Variants in ARHGEF28 observed in about 807,000 individuals in gnomAD.
ARHGEF28 encodes 190 kDa guanine nucleotide exchange factor.
A neutral mutation model predicts 206.6 loss-of-function variants in ARHGEF28; 152 were observed. The ratio of observed to expected loss-of-function variants is 0.74; its 90% CI spans 0.64 to 0.84. The LOEUF is 0.84. Among genes scored for constraint, ARHGEF28 ranks in the 40% least tolerant of loss-of-function variants. The pLI, the probability that ARHGEF28 is intolerant of heterozygous loss-of-function variation, is 0.00. For missense variants in ARHGEF28, 2,028 were observed against 2,073.2 expected (o/e 0.98, Z 0.42); for synonymous variants, 763 against 776.4 (o/e 0.98, Z 0.29).
intron 35 of ARHGEF28, chr5:73,923,246 T>A: frequency 7.8e-7 from 1 of 1,277,332 alleles, no homozygotes; most frequent in Non-Finnish European, 1.1e-6. Flanking sequence ...TAAAATGTTT[T>A]GGTTTATGCT....
chr5:73,741,385 G>GTGTGTATATA (rs1561371055), intron 2 of ARHGEF28, among the ~76,000 whole-genome samples: 1 of 21,868 alleles, frequency 4.6e-5, no homozygotes, highest in Non-Finnish European at 7.6e-5. Flanking sequence ...GTGTGTGTGT[G>GTGTGTATATA]TATATATATA....
At chr5:73,741,767 TA>T (rs915492623) in intron 2 of ARHGEF28, among the ~76,000 whole-genome samples, 2 of 152,148 alleles carry the variant, frequency 1.3e-5, no homozygotes, top group African/African-American at 4.8e-5. Flanking sequence ...GAGGTTTGAA[TA>T]ATGGGTATCT....
At chr5:73,831,938 G>A (rs553769373) in intron 9 of ARHGEF28, among the ~76,000 whole-genome samples, 7 of 152,166 alleles carry the variant, frequency 4.6e-5, no homozygotes, top group African/African-American at 1.7e-4. Context: ...TGATCTGCCC[G>A]CCTTGGCTTC....
chr5:73,893,422 C>A, intron 28 of ARHGEF28, 134 bp downstream of exon 28: 1 of 510,308 alleles, frequency 2.0e-6, no homozygotes, highest in Non-Finnish European at 3.3e-6. Context: ...ACCACCCTCC[C>A]GAGAAACTTA....
At chr5:73,714,852 T>A (rs1457342275) in intron 2 of ARHGEF28, among the ~76,000 whole-genome samples, 1 of 152,182 alleles carries the variant, frequency 6.6e-6, no homozygotes, top group Non-Finnish European at 1.5e-5. Flanking sequence ...TAGACTTGTA[T>A]CATAAGAGAT....
intron 2 of ARHGEF28, among the ~76,000 whole-genome samples, chr5:73,733,568 A>C (rs1750731120): frequency 6.6e-6 from 1 of 152,184 alleles, no homozygotes; most frequent in Non-Finnish European, 1.5e-5. Context: ...GATTACACTA[A>C]AATCTCAGAA....
Position 73,846,458 on chromosome 5 carries a change from A to G in ARHGEF28, c.1618A>G (p.Ser540Gly). 1 of 1,613,694 alleles carries G rather than the reference A, an allele frequency of 6.2e-7. No homozygotes were observed. Among genetic ancestry groups the G allele is most frequent in the Non-Finnish European group, 8.5e-7 (1 of 1,179,618 alleles). ...CAGGGCTGAATCCCTTCCTCTATCA[A>G]GTAATCTACAGTCGAAGGTATTCTT... ...ISRAESLPLSSNLQSKESLLS... is the reference protein window; with the variant it reads ...ISRAESLPLSGNLQSKESLLS... Residue 540 changes from serine to glycine, a missense_variant, in exon 12 of 36, where the codon AGT becomes GGT. Transcript: ENST00000513042.
At chr5:73,751,414 C>T (rs984289789) in intron 3 of ARHGEF28, among the ~76,000 whole-genome samples, 4 of 152,080 alleles carry the variant, frequency 2.6e-5, no homozygotes, top group Admixed American at 6.5e-5. Context: ...TGTCTCAAAA[C>T]GAAAACAAAA....
At chr5:73,914,458 AAT>A (rs933386313) in intron 35 of ARHGEF28, among the ~76,000 whole-genome samples, 8 of 128,268 alleles carry the variant, frequency 6.2e-5, no homozygotes, top group African/African-American at 2.4e-4. Context: ...GTGCAGTGGT[AAT>A]ATCTTGGCTC....
chr5:73,647,259 CAT>C (rs1018988529), intron 1 of ARHGEF28, among the ~76,000 whole-genome samples: 11 of 152,216 alleles, frequency 7.2e-5, no homozygotes, highest in African/African-American at 1.9e-4. Context: ...GCATATAAGA[CAT>C]ATGTGAAATG....
At chr5:73,845,210 A>G (rs1012879500) in intron 11 of ARHGEF28, among the ~76,000 whole-genome samples, 25 of 151,938 alleles carry the variant, frequency 1.6e-4, no homozygotes, top group Middle Eastern at 3.4e-3. Flanking sequence ...GTAGAGATGT[A>G]GTTTCACCGT....
chr5:73,628,655 A>G (rs551316060), intron 1 of ARHGEF28, among the ~76,000 whole-genome samples: 12 of 152,328 alleles, frequency 7.9e-5, no homozygotes, highest in Admixed American at 2.0e-4. Context: ...AGGTGGGTCA[A>G]CCTGGGCAAC....
intron 2 of ARHGEF28, among the ~76,000 whole-genome samples, chr5:73,719,124 G>A (rs1211639955): frequency 1.3e-5 from 2 of 152,174 alleles, no homozygotes; most frequent in Non-Finnish European, 2.9e-5. Flanking sequence ...GGTTCCAGAA[G>A]CCAGTCAATG....
chr5:73,929,518 T>A (rs1223693922), intron 35 of ARHGEF28, among the ~76,000 whole-genome samples: 3 of 152,164 alleles, frequency 2.0e-5, no homozygotes, highest in African/African-American at 7.2e-5. Flanking sequence ...TATTTTTGAC[T>A]CAGGATCCAA....
chr5:73,879,017 T>G (rs1365116585), intron 22 of ARHGEF28, among the ~76,000 whole-genome samples: 1 of 152,150 alleles, frequency 6.6e-6, no homozygotes, highest in Admixed American at 6.5e-5. Flanking sequence ...TCCTGCAGAG[T>G]GTTTTCCAAC....
chr5:73,749,272 C>T (rs1358757173), intron 2 of ARHGEF28, among the ~76,000 whole-genome samples: 2 of 152,126 alleles, frequency 1.3e-5, no homozygotes, highest in Admixed American at 6.5e-5. Context: ...AGGGTGAGGC[C>T]AGAGCTAAGA....
chr5:73,838,293 G>A (rs1757785211), intron 10 of ARHGEF28, among the ~76,000 whole-genome samples: 1 of 151,916 alleles, frequency 6.6e-6, no homozygotes, highest in African/African-American at 2.4e-5. Context: ...TATTTGAATA[G>A]CAAGGACAAT....
chr5:73,700,110 A>G (rs1748505549), intron 2 of ARHGEF28, among the ~76,000 whole-genome samples: 1 of 152,228 alleles, frequency 6.6e-6, no homozygotes, highest in African/African-American at 2.4e-5. Context: ...CACAATGTCC[A>G]TCTTTAGACA....
chr5:73,746,196 C>T (rs1751707980), intron 2 of ARHGEF28, among the ~76,000 whole-genome samples: 1 of 152,060 alleles, frequency 6.6e-6, no homozygotes, highest in African/African-American at 2.4e-5. Context: ...TCTAAAATAA[C>T]ATCTCAAAGG....
Sources: allele counts gnomAD v4.1 joint callset (sites outside exome capture counted in the v4.1 genomes callset), GRCh38; gene constraint gnomAD v4.1.1; transcripts MANE v1.5; gene names NCBI Gene and HGNC (gene_info 2026-07-23, HGNC 2026-07-21).